PDE4D: variants seen among roughly 807,000 people sequenced by gnomAD.
PDE4D encodes the protein phosphodiesterase 4D.
In PDE4D, 24 loss-of-function variants were observed where a neutral mutation model predicts 87.4. The observed-to-expected ratio is 0.27, with a 90% CI of 0.20 to 0.39. The LOEUF is 0.39. Among genes scored for constraint, PDE4D ranks in the 10% least tolerant of loss-of-function variants. PDE4D has a pLI of 1.00. For missense variants in PDE4D, 714 were observed against 1,041.0 expected, an observed-to-expected ratio of 0.69 and a Z score of 4.32; for synonymous variants, 384 against 383.2, an observed-to-expected ratio of 1.00 and a Z score of -0.02.
At position 60,062,747 on chromosome 5, in the gene PDE4D, G is replaced by T. The variant is rs191757690; in HGVS notation, c.43-74030C>A. 2.2e-3 allele frequency among the ~76,000 whole-genome samples: 337 copies of T among 152,240 alleles called. 1 individual carries two copies. Among genetic ancestry groups the T allele is most frequent in the African/African-American group, 7.7e-3 (321 of 41,538 alleles). On this transcript the variant is annotated intron_variant, in intron 2 of 16. Coordinates refer to the PDE4D transcript ENST00000502484. ...ATACTATACAGCCACAAATAGGAAT[G>T]AGTTCATGTCCTTTGCAGGGACATG... is the stretch of plus-strand genomic sequence containing the variant.
chr5:60,510,612 A>G (rs1345897489), intron 1 of PDE4D, among the ~76,000 whole-genome samples: 1 of 152,190 alleles, frequency 6.6e-6, no homozygotes, highest in Non-Finnish European at 1.5e-5. Context: ...GCAGGAAAGG[A>G]AACAGGAGGT....
intron 1 of PDE4D, among the ~76,000 whole-genome samples, chr5:59,710,639 T>C (rs1443245226): frequency 2.0e-5 from 3 of 152,158 alleles, no homozygotes; most frequent in Non-Finnish European, 2.9e-5. Context: ...GTTATCAGGA[T>C]TGTGATTGTA....
intron 1 of PDE4D, among the ~76,000 whole-genome samples, chr5:59,520,804 G>T (rs1389672745): frequency 1.3e-5 from 2 of 151,904 alleles, no homozygotes; most frequent in African/African-American, 4.8e-5. Flanking sequence ...ATTTTATTTT[G>T]CTGCTTTTAA....
At chr5:59,600,195 C>A (rs1827293601) in intron 1 of PDE4D, among the ~76,000 whole-genome samples, 1 of 152,204 alleles carries the variant, frequency 6.6e-6, no homozygotes, top group South Asian at 2.1e-4. Flanking sequence ...AAGGCCAGGT[C>A]TCTCTTTGAG....
chr5:60,092,421 A>G (rs1775234335), intron 2 of PDE4D, among the ~76,000 whole-genome samples: 1 of 152,192 alleles, frequency 6.6e-6, no homozygotes, highest in Non-Finnish European at 1.5e-5. Flanking sequence ...ATTGCAAAAT[A>G]GCTAGAAGAA....
intron 1 of PDE4D, among the ~76,000 whole-genome samples, chr5:59,228,672 A>C (rs549173413): frequency 6.6e-6 from 1 of 152,306 alleles, no homozygotes; most frequent in South Asian, 2.1e-4. Flanking sequence ...ATTCTCGGCA[A>C]GTTCCTACTC....
At chr5:60,110,538 T>C (rs1777567668) in intron 2 of PDE4D, among the ~76,000 whole-genome samples, 1 of 152,166 alleles carries the variant, frequency 6.6e-6, no homozygotes, top group Non-Finnish European at 1.5e-5. Context: ...AGGCAACTTT[T>C]ATACATTGTT....
At chr5:60,456,839 C>G (rs1746502215) in intron 1 of PDE4D, among the ~76,000 whole-genome samples, 1 of 152,132 alleles carries the variant, frequency 6.6e-6, no homozygotes, top group Admixed American at 6.5e-5. Flanking sequence ...TGTAGGAACA[C>G]AAGAAGATCC....
chr5:60,521,968 T>C (rs11960912), intron 1 of PDE4D: 16,509 of 151,570 alleles, frequency 0.11, 957 homozygotes, highest in Middle Eastern at 0.15. Context: ...CCTCAGTTCA[T>C]TCCCTGTAGT....
At chr5:60,158,573 A>T (rs1273796119) in intron 2 of PDE4D, among the ~76,000 whole-genome samples, 1 of 151,786 alleles carries the variant, frequency 6.6e-6, no homozygotes, top group Non-Finnish European at 1.5e-5. Context: ...TTTTTTATTT[A>T]TTTTTTTGAG....
rs189683901 is a variant in PDE4D, at chr5:59,541,461, C to A, written c.456-325493G>T. Among the ~76,000 whole-genome samples the A allele has an allele frequency of 4.6e-5, 7 of 152,286 alleles. No homozygotes were observed. In the East Asian group the frequency reaches 1.4e-3, roughly 29 times the overall value. On this transcript the variant is annotated intron_variant, in intron 1 of 14. Coordinates refer to ENST00000340635, the MANE Select transcript of PDE4D (RefSeq NM_001104631.2). ...GGCAAATGTTCAAAGTAAATAAACACCTATCATGACTTAAATACCTGGCTT... is the reference window on the plus strand; with the variant it reads ...GGCAAATGTTCAAAGTAAATAAACAACTATCATGACTTAAATACCTGGCTT...
At chr5:59,459,295 G>A (rs1800393042) in intron 1 of PDE4D, among the ~76,000 whole-genome samples, 1 of 152,066 alleles carries the variant, frequency 6.6e-6, no homozygotes, top group African/African-American at 2.4e-5. Context: ...TTTCTGAGAG[G>A]CGAAATATTC....
At chr5:60,265,461 C>T (rs550186311) in intron 1 of PDE4D, among the ~76,000 whole-genome samples, 1 of 152,268 alleles carries the variant, frequency 6.6e-6, no homozygotes, top group South Asian at 2.1e-4. Flanking sequence ...AGACCTCACC[C>T]ACAGGAGCAC....
intron 5 of PDE4D, among the ~76,000 whole-genome samples, chr5:59,167,080 C>T (rs6450507): frequency 0.88 from 134,380 of 152,266 alleles, 59,778 homozygotes; most frequent in African/African-American, 0.96. Flanking sequence ...TTTTTTTACA[C>T]AGATTATCTC....
intron 2 of PDE4D, among the ~76,000 whole-genome samples, chr5:59,992,195 C>A (rs978621960): frequency 1.1e-4 from 16 of 152,170 alleles, no homozygotes; most frequent in Non-Finnish European, 1.5e-5. Context: ...GAGCCACAGA[C>A]TGAAAACAGC....
chr5:59,159,234 C>A (rs1219112195), intron 5 of PDE4D, among the ~76,000 whole-genome samples: 1 of 152,078 alleles, frequency 6.6e-6, no homozygotes. Flanking sequence ...GCTCAAGCAA[C>A]CCTCCTATCT....
chr5:58,995,147 A>C lies in PDE4D; in HGVS notation c.922-1682T>G, dbSNP rs535887065. Reference sequence around the variant, plus strand: ...CTTAGTCTCAAACTCAGGAACACTAAATTCACTTCTTTGTTCATATGTTTT... The same window carrying C: ...CTTAGTCTCAAACTCAGGAACACTACATTCACTTCTTTGTTCATATGTTTT... On this transcript the variant is annotated intron_variant, in intron 6 of 14. Transcript: ENST00000340635. Among the ~76,000 whole-genome samples, 275 of 152,256 alleles carry C rather than the reference A, an allele frequency of 1.8e-3. 1 individual carries two copies. Among genetic ancestry groups the C allele is most frequent in the African/African-American group, 6.1e-3 (254 of 41,538 alleles).
intron 1 of PDE4D, among the ~76,000 whole-genome samples, chr5:59,539,851 C>G (rs1359102673): frequency 1.3e-5 from 2 of 152,014 alleles, no homozygotes; most frequent in Non-Finnish European, 2.9e-5. Flanking sequence ...CACACACACA[C>G]GAACTATGAA....
intron 6 of PDE4D, among the ~76,000 whole-genome samples, chr5:59,034,514 C>A (rs1306135422): frequency 3.9e-5 from 6 of 152,056 alleles, no homozygotes; most frequent in Non-Finnish European, 5.9e-5. Flanking sequence ...GTTATAACAC[C>A]CCTCTTGCCC....
Sources: gnomAD v4.1 joint callset for allele counts (sites outside exome capture counted in the v4.1 genomes callset) on GRCh38, gnomAD v4.1.1 for gene constraint, MANE v1.5 for transcripts, NCBI Gene and HGNC (gene_info 2026-07-23, HGNC 2026-07-21) for gene names.